The following RANBP2 variants were observed in gnomAD, a reference collection of about 807,000 sequenced individuals.
The protein encoded by RANBP2 is RAN binding protein 2.
Under a neutral mutation model 303.6 loss-of-function variants are expected in RANBP2, and 57 were observed. The observed-to-expected ratio is 0.19, with a 90% CI of 0.15 to 0.23. RANBP2 has a LOEUF of 0.23. Among genes scored for constraint, RANBP2 ranks in the 10% least tolerant of loss-of-function variants. The pLI is 1.00. For missense variants in RANBP2, 3,138 were observed against 3,780.8 expected, an observed-to-expected ratio of 0.83 and a Z score of 4.46; for synonymous variants, 1,167 against 1,301.5, an observed-to-expected ratio of 0.90 and a Z score of 2.23.
chr2:109,219,873 G>A, the RANBP2 span, among the ~76,000 whole-genome samples: 1 of 152,106 alleles, frequency 6.6e-6, no homozygotes, highest in Non-Finnish European at 1.5e-5. Flanking sequence ...CAGATTCAGG[G>A]CAATCTCTAT....
the RANBP2 span, among the ~76,000 whole-genome samples, chr2:109,175,267 C>T: frequency 6.6e-6 from 1 of 152,180 alleles, no homozygotes; most frequent in Admixed American, 6.5e-5. Context: ...GTACTTCATC[C>T]TTTCCCCTAT....
chr2:109,660,188 C>T, the RANBP2 span, among the ~76,000 whole-genome samples: 1 of 152,284 alleles, frequency 6.6e-6, no homozygotes, highest in East Asian at 1.9e-4. Flanking sequence ...TTCCTGCAAC[C>T]AATCAGACTA....
chr2:108,881,518 C>T, the RANBP2 span, among the ~76,000 whole-genome samples: 1 of 152,196 alleles, frequency 6.6e-6, no homozygotes, highest in Non-Finnish European at 1.5e-5. Flanking sequence ...TTTTCCTTTG[C>T]TTTCACAACT....
chr2:109,080,087 G>T, the RANBP2 span, among the ~76,000 whole-genome samples: 1 of 152,196 alleles, frequency 6.6e-6, no homozygotes, highest in Non-Finnish European at 1.5e-5. Context: ...TGGAGGCTTC[G>T]AGCTAGACCA....
chr2:109,090,336 A>ACACACC, the RANBP2 span, among the ~76,000 whole-genome samples: 5 of 143,664 alleles, frequency 3.5e-5, 2 homozygotes, highest in Non-Finnish European at 4.6e-5. Flanking sequence ...ACACACACAC[A>ACACACC]CACACACACA....
the RANBP2 span, among the ~76,000 whole-genome samples, chr2:109,297,841 G>A: frequency 6.6e-6 from 1 of 151,798 alleles, no homozygotes; most frequent in Non-Finnish European, 1.5e-5. Context: ...CAGTGCCCCC[G>A]ACCTGGGCCA....
chr2:108,906,481 T>A, the RANBP2 span: 2 of 1,075,838 alleles, frequency 1.9e-6, no homozygotes, highest in Non-Finnish European at 2.8e-6. Flanking sequence ...CCAGAGACGC[T>A]GCACACAGCC....
At chr2:109,341,846 G>A in the RANBP2 span, among the ~76,000 whole-genome samples, 2 of 152,196 alleles carry the variant, frequency 1.3e-5, no homozygotes. Flanking sequence ...CCTACCCAGG[G>A]CTGCCTGCAG....
intron 1 of RANBP2, among the ~76,000 whole-genome samples, 195 bp from the exon 2 acceptor site, chr2:108,728,937 C>G (rs1412749968): frequency 6.6e-6 from 1 of 152,170 alleles, no homozygotes; most frequent in African/African-American, 2.4e-5. Flanking sequence ...AGCCGCTGCA[C>G]CCAGCTCTAT....
the RANBP2 span, among the ~76,000 whole-genome samples, chr2:108,972,425 C>T: frequency 4.6e-4 from 70 of 152,364 alleles, no homozygotes; most frequent in East Asian, 0.013. Context: ...TTGCCCAACC[C>T]TCCTGGCTGG....
At chr2:108,922,082 C>A in the RANBP2 span, among the ~76,000 whole-genome samples, 1 of 152,246 alleles carries the variant, frequency 6.6e-6, no homozygotes, top group Non-Finnish European at 1.5e-5. Context: ...CCTGCCGTGA[C>A]TCAAGTCTGC....
chr2:109,020,349 C>T, the RANBP2 span, among the ~76,000 whole-genome samples: 26 of 152,274 alleles, frequency 1.7e-4, 1 homozygote, highest in South Asian at 5.0e-3. Flanking sequence ...GTTTACAAAA[C>T]AGAGATCAAA....
the RANBP2 span, chr2:108,882,244 C>A: frequency 1.3e-5 from 2 of 151,890 alleles, no homozygotes; most frequent in Non-Finnish European, 2.9e-5. Context: ...TTGAAAAATG[C>A]AAATTACCAA....
chr2:109,563,631 G>C, the RANBP2 span, among the ~76,000 whole-genome samples: 1 of 152,156 alleles, frequency 6.6e-6, no homozygotes, highest in African/African-American at 2.4e-5. Context: ...AACTTTTAAT[G>C]CTTTATATTA....
chr2:109,630,362 C>T, the RANBP2 span, among the ~76,000 whole-genome samples: 1 of 152,184 alleles, frequency 6.6e-6, no homozygotes, highest in Admixed American at 6.5e-5. Flanking sequence ...TAGCAGACGG[C>T]TCCTCTACCT....
the RANBP2 span, among the ~76,000 whole-genome samples, chr2:109,234,497 A>G: frequency 6.6e-6 from 1 of 152,250 alleles, no homozygotes; most frequent in Non-Finnish European, 1.5e-5. Flanking sequence ...CATTCTTCTC[A>G]GCGAGTAGCT....
the RANBP2 span, chr2:108,873,376 T>C: frequency 7.7e-7 from 1 of 1,293,884 alleles, no homozygotes; most frequent in Non-Finnish European, 1.0e-6. Flanking sequence ...CCTCACATAG[T>C]TCTGATTTTA....
chr2:109,591,039 G>A, the RANBP2 span, among the ~76,000 whole-genome samples: 1 of 152,184 alleles, frequency 6.6e-6, no homozygotes, highest in Non-Finnish European at 1.5e-5. Context: ...GTTTTAAGCC[G>A]CTAAATTTGT....
chr2:109,555,707 C>A, the RANBP2 span, among the ~76,000 whole-genome samples: 1 of 152,318 alleles, frequency 6.6e-6, no homozygotes, highest in African/African-American at 2.4e-5. Flanking sequence ...TGATCAATTA[C>A]GCAGCTGACC....
Sources: gnomAD v4.1 joint callset for allele counts (sites outside exome capture counted in the v4.1 genomes callset) on GRCh38, gnomAD v4.1.1 for gene constraint, MANE v1.5 for transcripts, NCBI Gene and HGNC (gene_info 2026-07-23, HGNC 2026-07-21) for gene names.